OR4K2: variants seen among roughly 807,000 people sequenced by gnomAD.
The protein encoded by OR4K2 is olfactory receptor family 4 subfamily K member 2.
In OR4K2, 8 loss-of-function variants were observed where a neutral mutation model predicts 10.5. The observed-to-expected ratio is 0.76, with a 90% CI of 0.45 to 1.37. OR4K2 has a LOEUF of 1.37. Among genes scored for constraint, OR4K2 ranks in the 40% most tolerant of loss-of-function variants. The pLI is 0.00. For synonymous variants in OR4K2, 178 were observed against 133.6 expected, an observed-to-expected ratio of 1.33 and a Z score of -2.29; for missense variants, 547 against 379.5, an observed-to-expected ratio of 1.44 and a Z score of -3.67.
rs1325212463 is a variant in OR4K2 at position 19,879,021 on chromosome 14, GC to G, written c.*1810del. The G allele has an allele frequency of 6.6e-6, 1 of 152,214 alleles. No homozygotes were observed. The highest frequency in any genetic ancestry group is 1.5e-5 in the Non-Finnish European group (1 of 68,038). The allele number at this position is 152,214 out of a possible 1,614,324, so 9.4% of individuals were successfully genotyped here. A position where few individuals can be genotyped will look rare whatever the true frequency, so the allele number is the denominator to read the frequency against. On this transcript the variant is annotated 3_prime_UTR_variant, in exon 2 of 2. Coordinates refer to ENST00000641885, the MANE Select transcript of OR4K2 (RefSeq NM_001005501.2). ...GGAAGAGACGCTATTGATTTTCTGTGCTTTTGTGGAGAATTCTAAAACTCAA... is the reference window on the plus strand; with the variant it reads ...GGAAGAGACGCTATTGATTTTCTGTGTTTTGTGGAGAATTCTAAAACTCAA...
Position 19,881,341 on chromosome 14 carries a change from G to C in OR4K2, c.*4129G>C, listed in dbSNP as rs1045710821. 1 of 152,154 alleles carries C rather than the reference G, an allele frequency of 6.6e-6. No homozygotes were observed. The highest frequency in any genetic ancestry group is 2.4e-5 in the African/African-American group (1 of 41,438). The allele number at this position is 152,154 out of a possible 1,614,324, so 9.4% of individuals were successfully genotyped here. ...TTTGGAATTATTTTTAATGCTCTTG[G>C]TTACACCATGAGGTAAATATGCACA... On this transcript the variant is annotated 3_prime_UTR_variant, in exon 2 of 2. Coordinates refer to ENST00000641885, the MANE Select transcript of OR4K2 (RefSeq NM_001005501.2).
rs960166921 is a variant in OR4K2, at chr14:19,881,044, G to A, written c.*3832G>A. The A allele has an allele frequency of 6.6e-6, 1 of 152,152 alleles. No homozygotes were observed. The highest frequency in any genetic ancestry group is 2.4e-5 in the African/African-American group (1 of 41,426). The allele number at this position is 152,152 out of a possible 1,614,324, so 9.4% of individuals were successfully genotyped here. A position where few individuals can be genotyped will look rare whatever the true frequency, so the allele number is the denominator to read the frequency against. On this transcript the variant is annotated 3_prime_UTR_variant, in exon 2 of 2. Coordinates refer to ENST00000641885, the MANE Select transcript of OR4K2 (RefSeq NM_001005501.2). ...TATTTTCAAATTTAAAAAACTACCA[G>A]TGAATCTATTCTCTACATGTGAGTT...
Position 19,876,229 on chromosome 14 carries a change from T to C in OR4K2, c.-23-16T>C, listed in dbSNP as rs1880889837. The C allele has an allele frequency of 8.8e-7, 1 of 1,134,694 alleles. No individual in the cohort carries two copies. The highest frequency in any genetic ancestry group is 2.4e-5 in the South Asian group (1 of 41,844). The allele number at this position is 1,134,694 out of a possible 1,614,324, so 70.3% of individuals were successfully genotyped here. A position where few individuals can be genotyped will look rare whatever the true frequency, so the allele number is the denominator to read the frequency against. ...TCTGACTTTCCTTTTTTTTTTTTTT[T>C]TTTTTCGTGATACAGGCTTCTGCCT... On this transcript the variant is annotated splice_polypyrimidine_tract_variant and intron_variant, in intron 1 of 1. Coordinates refer to ENST00000641885, the MANE Select transcript of OR4K2 (RefSeq NM_001005501.2).
Position 19,876,442 on chromosome 14 carries a change from A to G in OR4K2, c.175A>G (p.Met59Val), listed in dbSNP as rs747283401. 5 of 1,614,000 alleles carry G rather than the reference A, an allele frequency of 3.1e-6. No homozygotes were observed. In the East Asian group the frequency reaches 8.9e-5, roughly 29 times the overall value. Residue 59 changes from methionine to valine, a missense_variant, in exon 2 of 2, where the codon ATG (methionine) becomes GTG (valine). Physicochemically the swap from Met to Val is conservative, Grantham distance 21 (BLOSUM62 1). Transcript: ENST00000641885. ...VIVDPHLHSP[M>V]YFLLTNLSII... ...AGTGGACCCTCACCTACACTCTCCT[A>G]TGTATTTCCTGCTTACCAATCTTTC... is the stretch of plus-strand genomic sequence containing the variant.
rs1881059572 is a variant in OR4K2 at position 19,882,426 on chromosome 14, A to G, written c.*5214A>G. The G allele has an allele frequency of 6.6e-6, 1 of 152,220 alleles. No homozygotes were observed. Among genetic ancestry groups the G allele is most frequent in the South Asian group, 2.1e-4 (1 of 4,836 alleles). 9.4% of individuals were successfully genotyped at this position (152,220 alleles called of 1,614,324 possible). A position where few individuals can be genotyped will look rare whatever the true frequency, so the allele number is the denominator to read the frequency against. ...GGAGGGAGACTCCGTCAATCAATCA[A>G]TATCCATTACTTTAATTTTTTTATT... On this transcript the variant is annotated 3_prime_UTR_variant, in exon 2 of 2. Transcript: ENST00000641885.
Position 19,876,975 on chromosome 14 carries a change from C to G in OR4K2, c.708C>G (p.Ala236=). 6.2e-7 allele frequency: 1 copy of G among 1,613,948 alleles called. No individual in the cohort carries two copies. Among genetic ancestry groups the G allele is most frequent in the Non-Finnish European group, 8.5e-7 (1 of 1,179,942 alleles). Reference sequence around the variant, plus strand: ...ATTCTTCCAGAGGATCATCTAAGGCCCTTTCTACTTGTACAGCTCATTTCA... The same window carrying G: ...ATTCTTCCAGAGGATCATCTAAGGCGCTTTCTACTTGTACAGCTCATTTCA... ...KHHSSRGSSK[A]LSTCTAHFIV... is the part of the protein sequence containing the mutation. Residue 236 remains alanine (A), a synonymous_variant, in exon 2 of 2, where the codon GCC becomes GCG. Transcript: ENST00000641885.
At position 19,881,652 on chromosome 14, in the gene OR4K2, T is replaced by G. The variant is rs948736754; in HGVS notation, c.*4440T>G. 2 of 151,790 alleles carry G rather than the reference T, an allele frequency of 1.3e-5. No homozygotes were observed. The highest frequency in any genetic ancestry group is 1.5e-5 in the Non-Finnish European group (1 of 67,992). 9.4% of individuals were successfully genotyped at this position (151,790 alleles called of 1,614,324 possible). On this transcript the variant is annotated 3_prime_UTR_variant, in exon 2 of 2. Transcript: ENST00000641885. Reference sequence around the variant, plus strand: ...ATGTTCTCGGGCTGGAGGCTCCAGGTTTTTTTCCCCCATTAGCCTTTTTAT... The same window carrying G: ...ATGTTCTCGGGCTGGAGGCTCCAGGGTTTTTTCCCCCATTAGCCTTTTTAT...
In OR4K2 at chr14:19,876,996, T is replaced by C. The variant is rs1292650183; in HGVS notation, c.729T>C (p.His243=). Residue 243 remains histidine, a synonymous_variant, in exon 2 of 2, where the codon CAT becomes CAC. Coordinates refer to ENST00000641885, the MANE Select transcript of OR4K2 (RefSeq NM_001005501.2). ...AGGCCCTTTCTACTTGTACAGCTCA[T>C]TTCATTGTTGTCTTCTTGTTCTTTG... ...SSKALSTCTA[H]FIVVFLFFGP... 2 of 1,613,874 alleles carry C rather than the reference T, an allele frequency of 1.2e-6. No individual in the cohort carries two copies. The highest frequency in any genetic ancestry group is 4.5e-5 in the East Asian group (2 of 44,896).
Position 19,876,378 on chromosome 14 carries a change from A to C in OR4K2, c.111A>C (p.Ala37=), listed in dbSNP as rs1332063290. ...FFMVFSLLYV[A]TMVGNSLIVI... ...TGGTGTTTTCATTGCTTTATGTGGC[A>C]ACAATGGTGGGTAACAGCCTCATAG... The change falls in exon 2 of 2, where the codon GCA becomes GCC. Residue 37 remains alanine, a synonymous_variant. Transcript: ENST00000641885. 1.9e-6 allele frequency: 3 copies of C among 1,613,940 alleles called. No individual in the cohort carries two copies. Among genetic ancestry groups the C allele is most frequent in the African/African-American group, 2.7e-5 (2 of 74,918 alleles).
Position 19,882,928 on chromosome 14 carries a change from C to T in OR4K2, c.*5716C>T, listed in dbSNP as rs143240050. ...TTGCAAACTCTGCCTTCCGGATTCA[C>T]GCCATTCTCCTGCCTCAGCCTCCTG... On this transcript the variant is annotated 3_prime_UTR_variant, in exon 2 of 2. Coordinates refer to ENST00000641885, the MANE Select transcript of OR4K2 (RefSeq NM_001005501.2). 0.012 allele frequency: 1,751 copies of T among 150,540 alleles called. 22 individuals are homozygous for T. Among genetic ancestry groups the T allele is most frequent in the African/African-American group, 0.042 (1,692 of 40,576 alleles). The allele number at this position is 150,540 out of a possible 1,614,324, so 9.3% of individuals were successfully genotyped here.
rs1880980454 is a variant in OR4K2 at position 19,879,180 on chromosome 14, C to T, written c.*1968C>T. 6.6e-6 allele frequency: 1 copy of T among 151,100 alleles called. No individual in the cohort carries two copies. The highest frequency in any genetic ancestry group is 2.1e-4 in the South Asian group (1 of 4,816). The allele number at this position is 151,100 out of a possible 1,614,324, so 9.4% of individuals were successfully genotyped here. ...TGATAATAAAAAGGATTACAGAAAGCCTTTGGAGGGCTTACATATATAAAT... is the reference window on the plus strand; with the variant it reads ...TGATAATAAAAAGGATTACAGAAAGTCTTTGGAGGGCTTACATATATAAAT... On this transcript the variant is annotated 3_prime_UTR_variant, in exon 2 of 2. Transcript: ENST00000641885.
rs1418369445 is a variant in OR4K2 at position 19,877,440 on chromosome 14, T to C, written c.*228T>C. The C allele has an allele frequency of 7.2e-6, 3 of 419,186 alleles. No homozygotes were observed. The highest frequency in any genetic ancestry group is 1.3e-5 in the Non-Finnish European group (3 of 232,340). The allele number at this position is 419,186 out of a possible 1,614,324, so 26.0% of individuals were successfully genotyped here. A position where few individuals can be genotyped will look rare whatever the true frequency, so the allele number is the denominator to read the frequency against. On this transcript the variant is annotated 3_prime_UTR_variant, in exon 2 of 2. Coordinates refer to ENST00000641885, the MANE Select transcript of OR4K2 (RefSeq NM_001005501.2). Reference sequence around the variant, plus strand: ...AGGAGTGACAGTTCCAGTTAGGACATTCAATATCAATAATCAATTTATTGG... The same window carrying C: ...AGGAGTGACAGTTCCAGTTAGGACACTCAATATCAATAATCAATTTATTGG...
Position 19,883,027 on chromosome 14 carries a change from A to G in OR4K2, c.*5815A>G, listed in dbSNP as rs911453358. 4 of 152,178 alleles carry G rather than the reference A, an allele frequency of 2.6e-5. No individual in the cohort carries two copies. Among genetic ancestry groups the G allele is most frequent in the African/African-American group, 9.7e-5 (4 of 41,344 alleles). The allele number at this position is 152,178 out of a possible 1,614,324, so 9.4% of individuals were successfully genotyped here. On this transcript the variant is annotated 3_prime_UTR_variant, in exon 2 of 2. Transcript: ENST00000641885. ...TATTTTTAGTAGAGAAGGGGTTATA[A>G]TTTATCTTTTGAAAAACCTGAGTTA...
In OR4K2 at chr14:19,878,913, T is replaced by C. The variant is rs977443056; in HGVS notation, c.*1701T>C. On this transcript the variant is annotated 3_prime_UTR_variant, in exon 2 of 2. Transcript: ENST00000641885. The stretch of plus-strand genomic sequence containing the variant: ...GGTGCTTAAAAATGCTAGAAATAAT[T>C]CTTTTACTTGACATATTTCTTTGTC... 2.0e-4 allele frequency: 30 copies of C among 152,362 alleles called. No homozygotes were observed. The highest frequency in any genetic ancestry group is 3.3e-4 in the Admixed American group (5 of 15,304). 9.4% of individuals were successfully genotyped at this position (152,362 alleles called of 1,614,324 possible).
At position 19,878,568 on chromosome 14, in the gene OR4K2, A is replaced by T. The variant is rs560324549; in HGVS notation, c.*1356A>T. ...TGTTCATATTAAACCAAGTTATAAA[A>T]GGAATTTATTTTTTCTTCATCAGTT... On this transcript the variant is annotated 3_prime_UTR_variant, in exon 2 of 2. Transcript: ENST00000641885. The T allele has an allele frequency of 1.3e-5, 2 of 152,344 alleles. No individual in the cohort carries two copies. The highest frequency in any genetic ancestry group is 4.1e-4 in the South Asian group (2 of 4,830). The allele number at this position is 152,344 out of a possible 1,614,324, so 9.4% of individuals were successfully genotyped here. A position where few individuals can be genotyped will look rare whatever the true frequency, so the allele number is the denominator to read the frequency against.
rs1232735540 is a variant in OR4K2 at position 19,881,028 on chromosome 14, A to AT, written c.*3819dup. On this transcript the variant is annotated 3_prime_UTR_variant, in exon 2 of 2. Coordinates refer to ENST00000641885, the MANE Select transcript of OR4K2 (RefSeq NM_001005501.2). ...AGACTCCTTATGAAAGTATTTTCAA[A>AT]TTTAAAAAACTACCAGTGAATCTAT... 1 of 69,118 alleles carries AT rather than the reference A, an allele frequency of 1.4e-5. No homozygotes were observed. The highest frequency in any genetic ancestry group is 1.5e-4 in the Admixed American group (1 of 6,880). The allele number at this position is 69,118 out of a possible 1,614,324, so 4.3% of individuals were successfully genotyped here.
chr14:19,882,413 C>T lies in OR4K2; in HGVS notation c.*5201C>T, dbSNP rs8019968. 55,923 of 147,776 alleles carry T rather than the reference C, an allele frequency of 0.38. 6,797 individuals carry two copies. Among genetic ancestry groups the T allele is most frequent in the Non-Finnish European group, 0.45 (29,561 of 65,854 alleles). 9.2% of individuals were successfully genotyped at this position (147,776 alleles called of 1,614,324 possible). On this transcript the variant is annotated 3_prime_UTR_variant, in exon 2 of 2. Coordinates refer to ENST00000641885, the MANE Select transcript of OR4K2 (RefSeq NM_001005501.2). ...TAGAGGGTGGATTGGAGGGAGACTC[C>T]GTCAATCAATCAATATCCATTACTT...
In OR4K2 at chr14:19,882,410, C is replaced by T. The variant is rs1594429884; in HGVS notation, c.*5198C>T. On this transcript the variant is annotated 3_prime_UTR_variant, in exon 2 of 2. Transcript: ENST00000641885. ...TAATAGAGGGTGGATTGGAGGGAGA[C>T]TCCGTCAATCAATCAATATCCATTA... 1 of 152,054 alleles carries T rather than the reference C, an allele frequency of 6.6e-6. No homozygotes were observed. The highest frequency in any genetic ancestry group is 1.9e-4 in the East Asian group (1 of 5,196). The allele number at this position is 152,054 out of a possible 1,614,324, so 9.4% of individuals were successfully genotyped here. A position where few individuals can be genotyped will look rare whatever the true frequency, so the allele number is the denominator to read the frequency against.
In OR4K2 at chr14:19,882,351, A is replaced by G. The variant is rs1177388749; in HGVS notation, c.*5139A>G. The G allele has an allele frequency of 6.7e-6, 1 of 149,272 alleles. No individual in the cohort carries two copies. The highest frequency in any genetic ancestry group is 1.5e-5 in the Non-Finnish European group (1 of 68,016). The allele number at this position is 149,272 out of a possible 1,614,324, so 9.2% of individuals were successfully genotyped here. On this transcript the variant is annotated 3_prime_UTR_variant, in exon 2 of 2. Transcript: ENST00000641885. Reference sequence around the variant, plus strand: ...AACTTGGCTTCAAAAATCAATTTGTAGATTTCAAGATTCTTATGCAACAGA... The same window carrying G: ...AACTTGGCTTCAAAAATCAATTTGTGGATTTCAAGATTCTTATGCAACAGA...
Sources: gnomAD v4.1 joint callset for allele counts on GRCh38, gnomAD v4.1.1 for gene constraint, MANE v1.5 for transcripts, NCBI Gene and HGNC (gene_info 2026-07-23, HGNC 2026-07-21) for gene names.